The following RAB38 variants were observed in gnomAD, a reference collection of about 807,000 sequenced individuals.
RAB38 encodes the protein RAB38, member RAS oncogene family, also known as ras-related protein Rab-38.
Under a neutral mutation model 18.4 loss-of-function variants are expected in RAB38, and 15 were observed. The ratio of observed to expected loss-of-function variants is 0.82; its 90% CI spans 0.55 to 1.26. The LOEUF (loss-of-function observed/expected upper bound fraction) is 1.26, where lower values mean the gene tolerates loss of function less well. Ranked by LOEUF, RAB38 falls within the 50% of genes most tolerant of loss-of-function variation. The pLI, the probability that RAB38 is intolerant of heterozygous loss-of-function variation, is 0.00. For synonymous variants in RAB38, 101 were observed against 104.4 expected (o/e 0.97, Z 0.20); for missense variants, 294 against 267.4 (o/e 1.10, Z -0.69).
the RAB38 span, among the ~76,000 whole-genome samples, chr11:88,019,440 C>A: frequency 1.3e-5 from 2 of 152,200 alleles, no homozygotes; most frequent in African/African-American, 2.4e-5. Context: ...ATAATGGTTG[C>A]CAGGACCCCT....
chr11:87,821,881 G>A, the RAB38 span, among the ~76,000 whole-genome samples: 1 of 151,344 alleles, frequency 6.6e-6, no homozygotes, highest in African/African-American at 2.4e-5. Flanking sequence ...ATACAGTATT[G>A]GGGATTCAAA....
At chr11:87,808,690 G>A in the RAB38 span, among the ~76,000 whole-genome samples, 2 of 152,114 alleles carry the variant, frequency 1.3e-5, no homozygotes, top group East Asian at 3.9e-4. Context: ...TAAAGCATAT[G>A]TTAATTAGCT....
At chr11:88,141,546 T>C (rs1164892939) in intron 2 of RAB38, among the ~76,000 whole-genome samples, 1 of 152,234 alleles carries the variant, frequency 6.6e-6, no homozygotes, top group Non-Finnish European at 1.5e-5. Flanking sequence ...ATTTGTCTTT[T>C]AATAAAAATC....
the RAB38 span, among the ~76,000 whole-genome samples, chr11:88,026,649 A>G: frequency 6.6e-6 from 1 of 151,104 alleles, no homozygotes; most frequent in Admixed American, 6.6e-5. Flanking sequence ...AAGTGCTGGG[A>G]TTACAGACAT....
At chr11:87,950,653 T>G in the RAB38 span, among the ~76,000 whole-genome samples, 2 of 152,194 alleles carry the variant, frequency 1.3e-5, no homozygotes, top group Non-Finnish European at 2.9e-5. Context: ...GAAGCTTAGT[T>G]TGGCTGGATA....
the RAB38 span, among the ~76,000 whole-genome samples, chr11:88,100,484 A>G: frequency 6.6e-6 from 1 of 151,904 alleles, no homozygotes; most frequent in Non-Finnish European, 1.5e-5. Flanking sequence ...TGTACTTGGT[A>G]TTTCATATTT....
the RAB38 span, among the ~76,000 whole-genome samples, chr11:87,973,041 G>A: frequency 6.6e-6 from 1 of 151,908 alleles, no homozygotes; most frequent in South Asian, 2.1e-4. Context: ...ATGATTGTAA[G>A]TTTCCTGAGG....
the RAB38 span, among the ~76,000 whole-genome samples, chr11:87,813,752 C>T: frequency 6.6e-6 from 1 of 152,064 alleles, no homozygotes. Flanking sequence ...GAGGGTAGAT[C>T]TTAAACACTC....
chr11:88,079,540 C>T, the RAB38 span, among the ~76,000 whole-genome samples: 1 of 151,740 alleles, frequency 6.6e-6, no homozygotes, highest in East Asian at 1.9e-4. Flanking sequence ...AGATGGAATA[C>T]TGGTCACCTG....
intron 2 of RAB38, among the ~76,000 whole-genome samples, chr11:88,124,459 C>T (rs4134144): frequency 0.55 from 83,374 of 151,910 alleles, 23,777 homozygotes; most frequent in Non-Finnish European, 0.64. Flanking sequence ...AATAAGTGGG[C>T]GAAGGATATG....
chr11:88,075,402 A>G, the RAB38 span, among the ~76,000 whole-genome samples: 3 of 152,228 alleles, frequency 2.0e-5, no homozygotes, highest in Non-Finnish European at 4.4e-5. Context: ...GAGCCTCAGA[A>G]GATATACAAA....
intron 2 of RAB38, among the ~76,000 whole-genome samples, chr11:88,145,147 T>C (rs1352208341): frequency 6.6e-6 from 1 of 151,650 alleles, no homozygotes; most frequent in Non-Finnish European, 1.5e-5. Flanking sequence ...TATTTATCTC[T>C]CTTTTTTTTT....
chr11:87,900,996 A>T, the RAB38 span, among the ~76,000 whole-genome samples: 28 of 151,530 alleles, frequency 1.8e-4, no homozygotes, highest in Non-Finnish European at 3.0e-4. Context: ...TGGAACTCTC[A>T]TTCCATTTTT....
chr11:88,015,478 G>C, the RAB38 span, among the ~76,000 whole-genome samples: 1 of 152,064 alleles, frequency 6.6e-6, no homozygotes, highest in Non-Finnish European at 1.5e-5. Flanking sequence ...TCATCATGAA[G>C]GTAAAGCACC....
At chr11:88,159,933 A>G (rs1288426418) in intron 1 of RAB38, among the ~76,000 whole-genome samples, 2 of 152,034 alleles carry the variant, frequency 1.3e-5, no homozygotes, top group Non-Finnish European at 2.9e-5. Flanking sequence ...ATAATTTATG[A>G]CTAATTCCTC....
the RAB38 span, among the ~76,000 whole-genome samples, chr11:88,090,823 G>C: frequency 6.6e-6 from 1 of 151,882 alleles, no homozygotes; most frequent in Admixed American, 6.6e-5. Flanking sequence ...ATGCCAAAAT[G>C]CTGGAGCATC....
chr11:87,805,363 T>C, the RAB38 span, among the ~76,000 whole-genome samples: 1 of 152,020 alleles, frequency 6.6e-6, no homozygotes, highest in Non-Finnish European at 1.5e-5. Flanking sequence ...TTTTATTCTC[T>C]TTATCATTTT....
the RAB38 span, among the ~76,000 whole-genome samples, chr11:88,005,266 A>G: frequency 1.3e-5 from 2 of 151,520 alleles, no homozygotes; most frequent in East Asian, 1.9e-4. Context: ...GACAGCGGGA[A>G]TTTGGTACAA....
chr11:87,945,426 A>G, the RAB38 span, among the ~76,000 whole-genome samples: 40 of 152,312 alleles, frequency 2.6e-4, 1 homozygote, highest in African/African-American at 9.1e-4. Context: ...ACTGAAATGG[A>G]GCAATTTAAC....
Sources: gnomAD v4.1 joint callset for allele counts (sites outside exome capture counted in the v4.1 genomes callset) on GRCh38, gnomAD v4.1.1 for gene constraint, MANE v1.5 for transcripts, NCBI Gene and HGNC (gene_info 2026-07-23, HGNC 2026-07-21) for gene names.